Variants in WDR43 observed in about 807,000 individuals in gnomAD.
The protein encoded by WDR43 is WD repeat-containing protein 43.
A neutral mutation model predicts 91.4 loss-of-function variants in WDR43; 13 were observed. That is an observed-to-expected ratio of 0.14 (90% CI 0.09 to 0.23). The LOEUF is 0.23. WDR43 is among the 10% of genes least tolerant of loss of function. The pLI, the probability that WDR43 is intolerant of heterozygous loss-of-function variation, is 1.00. For missense variants in WDR43, 780 were observed against 809.4 expected (o/e 0.96, Z 0.44); for synonymous variants, 331 against 287.9 (o/e 1.15, Z -1.51).
chr2:28,927,374 A>C, intron 9 of WDR43, 195 bp from the exon 10 acceptor site: 1 of 663,444 alleles, frequency 1.5e-6, no homozygotes, highest in African/African-American at 1.8e-5. Flanking sequence ...GTAAGCTTTA[A>C]ATTCACAGTC....
chr2:28,914,950 A>C (rs1165515337), intron 5 of WDR43, among the ~76,000 whole-genome samples: 4 of 152,136 alleles, frequency 2.6e-5, no homozygotes, highest in African/African-American at 9.7e-5. Flanking sequence ...ATTTGGTGAT[A>C]CAAAGTCATC....
In WDR43 at chr2:28,925,008, A is replaced by G. The variant is rs775987266; in HGVS notation, c.941A>G (p.Asn314Ser). The G allele has an allele frequency of 2.5e-6, 4 of 1,612,500 alleles. No individual in the cohort carries two copies. The highest frequency in any genetic ancestry group is 1.7e-5 in the Admixed American group (1 of 59,634). The change falls in exon 8 of 18, where the codon AAC becomes AGC. Residue 314 changes from asparagine to serine, a missense_variant. Asn to Ser is a conservative substitution (Grantham distance 46, BLOSUM62 1). This residue lies in a region of WDR43 where 426 missense variants were observed against 467.8 expected (regional missense o/e 0.91). Coordinates refer to ENST00000407426, the MANE Select transcript of WDR43 (RefSeq NM_015131.3). ...NGYCKKPLTS[N>S]CTIQIATPGK... ...TACTGCAAAAAGCCTTTGACTTCAAACTGCACAATTCAGATAGCAACACCT... is the reference window on the plus strand; with the variant it reads ...TACTGCAAAAAGCCTTTGACTTCAAGCTGCACAATTCAGATAGCAACACCT...
At chr2:28,944,195 C>T (rs1483688782) in intron 16 of WDR43, among the ~76,000 whole-genome samples, 1 of 152,188 alleles carries the variant, frequency 6.6e-6, no homozygotes, top group Non-Finnish European at 1.5e-5. Context: ...TAGTGCCATT[C>T]TACTTAGTAG....
At chr2:28,908,045 T>G (rs1670718472) in intron 3 of WDR43, among the ~76,000 whole-genome samples, 1 of 152,256 alleles carries the variant, frequency 6.6e-6, no homozygotes. Context: ...AGATTGTTAC[T>G]GTAATCTGGT....
chr2:28,917,900 C>G lies in WDR43; in HGVS notation c.754C>G (p.Arg252Gly). The change falls in exon 6 of 18, where the codon CGA becomes GGA. Residue 252 changes from arginine to glycine, a missense_variant. Arg to Gly is a moderately radical substitution (Grantham distance 125). This residue lies in a region of WDR43 where 174 missense variants were observed against 207.3 expected (regional missense o/e 0.84). Coordinates refer to ENST00000407426, the MANE Select transcript of WDR43 (RefSeq NM_015131.3). ...HDRLLNVWQV[R>G]SENKEKSAVM... ...GCTGGTTTTGTTATCTAGGCAGGTC[C>G]GATCAGAAAACAAAGAAAAGAGTGC... is the stretch of plus-strand genomic sequence containing the variant. 6.3e-7 allele frequency: 1 copy of G among 1,577,566 alleles called. No individual in the cohort carries two copies. Among genetic ancestry groups the G allele is most frequent in the Non-Finnish European group, 8.6e-7 (1 of 1,160,702 alleles).
chr2:28,894,730 C>A lies in WDR43; in HGVS notation c.32C>A (p.Pro11His), dbSNP rs760019842. The change falls in exon 1 of 18, where the codon CCC becomes CAC. Residue 11 changes from proline to histidine, a missense_variant. Transcript: ENST00000407426. Reference sequence around the variant, plus strand: ...GCGGGCGGCGGCGGTAGCTGCGACCCCCTGGCCCCTGCTGGGGTCCCTTGC... The same window carrying A: ...GCGGGCGGCGGCGGTAGCTGCGACCACCTGGCCCCTGCTGGGGTCCCTTGC... Reference protein sequence around the residue: MAAGGGGSCDPLAPAGVPCAF... With the variant: MAAGGGGSCDHLAPAGVPCAF... 14 of 1,579,880 alleles carry A rather than the reference C, an allele frequency of 8.9e-6. No individual in the cohort carries two copies. Among genetic ancestry groups the A allele is most frequent in the Admixed American group, 1.8e-5 (1 of 54,172 alleles).
chr2:28,903,824 A>G (rs1256819720), intron 2 of WDR43, among the ~76,000 whole-genome samples: 5 of 152,088 alleles, frequency 3.3e-5, no homozygotes, highest in African/African-American at 1.2e-4. Flanking sequence ...TTTTTTTTAA[A>G]GACAGAGTCT....
At chr2:28,898,431 A>G (rs1216107029) in intron 1 of WDR43, among the ~76,000 whole-genome samples, 1 of 152,254 alleles carries the variant, frequency 6.6e-6, no homozygotes, top group Non-Finnish European at 1.5e-5. Context: ...ATTGGCAGAA[A>G]TAGAAGTTTC....
chr2:28,928,578 A>G (rs138906628), intron 10 of WDR43, among the ~76,000 whole-genome samples: 23 of 152,294 alleles, frequency 1.5e-4, no homozygotes, highest in African/African-American at 4.8e-4. Context: ...GTTAGTCATA[A>G]AACAAATTTC....
chr2:28,911,858 A>G (rs1012415227), intron 3 of WDR43, among the ~76,000 whole-genome samples: 1 of 148,610 alleles, frequency 6.7e-6, no homozygotes, highest in Admixed American at 6.7e-5. Context: ...TCCTGGACTC[A>G]GGCGATCTGC....
intron 11 of WDR43, among the ~76,000 whole-genome samples, chr2:28,930,682 A>T (rs1671221536): frequency 6.6e-6 from 1 of 152,262 alleles, no homozygotes; most frequent in Admixed American, 6.5e-5. Flanking sequence ...AACTGCCCTC[A>T]TTGCGTTCTA....
chr2:28,941,477 C>G lies in WDR43; in HGVS notation c.1637C>G (p.Pro546Arg). 6.2e-7 allele frequency: 1 copy of G among 1,612,994 alleles called. No individual in the cohort carries two copies. The highest frequency in any genetic ancestry group is 8.5e-7 in the Non-Finnish European group (1 of 1,179,474). The change falls in exon 15 of 18, where the codon CCC (proline) becomes CGC (arginine). Residue 546 changes from proline (P) to arginine (R), a missense_variant. Pro to Arg is a moderately radical substitution (Grantham distance 103, BLOSUM62 -2). Around this residue, in one of 4 missense-constraint regions of WDR43, gnomAD observed 426 missense variants for 467.8 expected, o/e 0.91. Transcript: ENST00000407426. The stretch of plus-strand genomic sequence containing the variant: ...TTTCTCTAGTTGCCTGACCTGGTAC[C>G]CCAGCTGGGGACACTCTACCAGTTA... ...SYLSTLPDLVPQLGTLYQLME... is the reference protein window; with the variant it reads ...SYLSTLPDLVRQLGTLYQLME...
At chr2:28,938,983 G>C (rs1671386354) in intron 14 of WDR43, among the ~76,000 whole-genome samples, 1 of 150,870 alleles carries the variant, frequency 6.6e-6, no homozygotes, top group Non-Finnish European at 1.5e-5. Context: ...TGGTGAGGGG[G>C]GTTTTGGGAG....
At position 28,924,989 on chromosome 2, in the gene WDR43, A is replaced by G; in HGVS notation, c.922A>G (p.Lys308Glu). The change falls in exon 8 of 18, where the codon AAA becomes GAA. Residue 308 changes from lysine (K) to glutamate (E), a missense_variant. This residue lies in a region of WDR43 where 426 missense variants were observed against 467.8 expected (regional missense o/e 0.91). Transcript: ENST00000407426. ...TTCCCCCTCCATTTCCAGGTACTGC[A>G]AAAAGCCTTTGACTTCAAACTGCAC... ...LFEHILNGYC[K>E]KPLTSNCTIQ... 6.2e-7 allele frequency: 1 copy of G among 1,610,582 alleles called. No homozygotes were observed. Among genetic ancestry groups the G allele is most frequent in the South Asian group, 1.1e-5 (1 of 90,354 alleles).
At chr2:28,906,057 A>G (rs1251178869) in intron 2 of WDR43, among the ~76,000 whole-genome samples, 1 of 152,130 alleles carries the variant, frequency 6.6e-6, no homozygotes, top group Non-Finnish European at 1.5e-5. Flanking sequence ...ATTATTTGGT[A>G]ATGACTCTAG....
intron 2 of WDR43, among the ~76,000 whole-genome samples, chr2:28,902,466 T>G (rs1057452718): frequency 6.6e-6 from 1 of 152,210 alleles, no homozygotes; most frequent in Non-Finnish European, 1.5e-5. Context: ...CTGCTAACAC[T>G]GAGATCTTTT....
chr2:28,928,144 C>G (rs1209057025), intron 10 of WDR43: 3 of 157,260 alleles, frequency 1.9e-5, no homozygotes, highest in Non-Finnish European at 1.4e-5. Context: ...ATTTTTTCCT[C>G]AGTTCCCAAA....
At chr2:28,904,680 T>C (rs757166159) in intron 2 of WDR43, among the ~76,000 whole-genome samples, 1 of 152,254 alleles carries the variant, frequency 6.6e-6, no homozygotes, top group African/African-American at 2.4e-5. Flanking sequence ...GTTCATATCC[T>C]TTAGTTACTT....
intron 5 of WDR43, 92 bp from the exon 6 acceptor site, chr2:28,917,801 T>A (rs1397074893): frequency 1.2e-5 from 13 of 1,069,372 alleles, no homozygotes; most frequent in Middle Eastern, 4.0e-4. Context: ...GGGAATCTCA[T>A]GTGCTGATCT....
Sources: gnomAD v4.1 joint callset for allele counts (sites outside exome capture counted in the v4.1 genomes callset) on GRCh38, gnomAD v4.1.1 for gene constraint, gnomAD v4.1.1 regional missense constraint, MANE v1.5 for transcripts, NCBI Gene and HGNC (gene_info 2026-07-23, HGNC 2026-07-21) for gene names.